ADGRF1: variants seen among roughly 807,000 people sequenced by gnomAD.
ADGRF1 encodes the protein adhesion G protein-coupled receptor F1, also known as G protein-coupled receptor 110.
Under a neutral mutation model 87.2 loss-of-function variants are expected in ADGRF1, and 85 were observed. The observed-to-expected ratio is 0.97, with a 90% CI of 0.82 to 1.17. The LOEUF (loss-of-function observed/expected upper bound fraction) is 1.17. ADGRF1 is among the 50% of genes most tolerant of loss of function. ADGRF1 has a pLI of 0.00. For missense variants in ADGRF1, 1,169 were observed against 1,077.2 expected (o/e 1.09, Z -1.19); for synonymous variants, 430 against 408.8 (o/e 1.05, Z -0.63).
In ADGRF1 at chr6:47,023,782, C is replaced by A. The variant is rs190508000; in HGVS notation, c.451+262G>T. Reference sequence around the variant, plus strand: ...GGAATTTTAGCAACTCTTCCTCAATCTCAATAAAATCATATGATTGCAGAG... The same window carrying A: ...GGAATTTTAGCAACTCTTCCTCAATATCAATAAAATCATATGATTGCAGAG... On this transcript the variant is annotated intron_variant, in intron 5 of 14. Coordinates refer to ENST00000371253, the MANE Select transcript of ADGRF1 (RefSeq NM_153840.4). Among the ~76,000 whole-genome samples the A allele has an allele frequency of 3.2e-4, 48 of 152,288 alleles. No homozygotes were observed. In the Middle Eastern group the frequency reaches 0.017, roughly 54 times the overall value.
At chr6:47,007,388 G>C (rs1779562891) in intron 11 of ADGRF1, 94 bp from the exon 12 acceptor site, 3 of 721,402 alleles carry the variant, frequency 4.2e-6, no homozygotes, top group Non-Finnish European at 7.1e-6. Flanking sequence ...ACCCCACATT[G>C]AAACTGTTTT....
At chr6:47,018,773 G>A (rs913125462) in intron 7 of ADGRF1, 2 of 294,582 alleles carry the variant, frequency 6.8e-6, no homozygotes, top group Admixed American at 4.7e-5. Context: ...TTTTAAAAGA[G>A]ATTTATTTTA....
intron 4 of ADGRF1, chr6:47,024,421 T>A (rs1173153937): frequency 2.2e-6 from 1 of 460,036 alleles, no homozygotes; most frequent in Non-Finnish European, 3.9e-6. Flanking sequence ...TTCAGGTGAA[T>A]CTTGTGCGTC....
At chr6:47,018,374 C>T (rs944271686) in intron 7 of ADGRF1, 7 of 1,258,056 alleles carry the variant, frequency 5.6e-6, no homozygotes, top group Middle Eastern at 2.9e-4. Context: ...TTATTAATTA[C>T]TAATTGATCG....
At position 46,998,761 on chromosome 6, in the gene ADGRF1, C is replaced by T. The variant is rs552873245; in HGVS notation, c.*1461G>A. ...AGAAGGCTCATAGAGCAGTTTTCTG[C>T]AAAGAAGTCTTTCTCATAAAATTCT... On this transcript the variant is annotated 3_prime_UTR_variant, in exon 15 of 15. Coordinates refer to ENST00000371253, the MANE Select transcript of ADGRF1 (RefSeq NM_153840.4). 1.3e-5 allele frequency: 2 copies of T among 152,336 alleles called. No individual in the cohort carries two copies. The highest frequency in any genetic ancestry group is 4.1e-4 in the South Asian group (2 of 4,826). The allele number at this position is 152,336 out of a possible 1,614,324, so 9.4% of individuals were successfully genotyped here.
chr6:47,020,689 C>G (rs577993093), intron 7 of ADGRF1, 42 bp downstream of exon 7: 1 of 1,605,432 alleles, frequency 6.2e-7, no homozygotes, highest in South Asian at 1.1e-5. Context: ...GAACTGGTGC[C>G]CAATTCTGGG....
At chr6:47,022,693 A>G (rs1158086755) in intron 5 of ADGRF1, among the ~76,000 whole-genome samples, 1 of 151,946 alleles carries the variant, frequency 6.6e-6, no homozygotes, top group Non-Finnish European at 1.5e-5. Flanking sequence ...TCTCCACGGT[A>G]CTGTGGGAAG....
intron 9 of ADGRF1, chr6:47,012,852 C>A: frequency 1.2e-6 from 1 of 824,384 alleles, no homozygotes. Context: ...TCACTGCAAC[C>A]TCTGCCTCCC....
At chr6:47,012,961 CAG>C in intron 9 of ADGRF1, 2 of 637,542 alleles carry the variant, frequency 3.1e-6, no homozygotes, top group Non-Finnish European at 3.9e-6. Flanking sequence ...TTAGTAGAAA[CAG>C]GGGTTTCACC....
chr6:47,018,561 G>T, intron 7 of ADGRF1: 1 of 1,289,240 alleles, frequency 7.8e-7, no homozygotes, highest in Non-Finnish European at 1.0e-6. Flanking sequence ...GTTAAACCAG[G>T]TTCCACAGGT....
intron 1 of ADGRF1, among the ~76,000 whole-genome samples, chr6:47,036,339 A>G (rs1253004014): frequency 4.6e-5 from 7 of 152,198 alleles, no homozygotes; most frequent in African/African-American, 1.7e-4. Flanking sequence ...AAACCTCAAC[A>G]TTACACAATA....
chr6:47,010,717 A>G (rs1051086998), intron 10 of ADGRF1, among the ~76,000 whole-genome samples: 2 of 152,340 alleles, frequency 1.3e-5, no homozygotes, highest in Admixed American at 6.5e-5. Context: ...GCTTTCCCAC[A>G]TTATGTTTGT....
chr6:47,031,701 G>A (rs1780437436), intron 1 of ADGRF1, among the ~76,000 whole-genome samples: 1 of 152,014 alleles, frequency 6.6e-6, no homozygotes, highest in Non-Finnish European at 1.5e-5. Context: ...TCTTGGACAG[G>A]TCAGGCCCAG....
chr6:47,035,397 CT>C (rs1780560624), intron 1 of ADGRF1, among the ~76,000 whole-genome samples: 2 of 152,172 alleles, frequency 1.3e-5, no homozygotes, highest in South Asian at 4.2e-4. Flanking sequence ...GAATTGTTTG[CT>C]TTTAAAAATA....
At chr6:47,040,269 G>T (rs2113915327) in intron 1 of ADGRF1, among the ~76,000 whole-genome samples, 1 of 152,150 alleles carries the variant, frequency 6.6e-6, no homozygotes, top group Non-Finnish European at 1.5e-5. Context: ...TCAGGAAATT[G>T]AGACCATCCT....
At chr6:47,021,184 G>A (rs1025068798) in intron 6 of ADGRF1, among the ~76,000 whole-genome samples, 13 of 152,054 alleles carry the variant, frequency 8.5e-5, no homozygotes, top group African/African-American at 3.1e-4. Flanking sequence ...GTATTTGCTC[G>A]GGTCTTCAGT....
intron 7 of ADGRF1, chr6:47,018,480 C>T (rs918866602): frequency 7.8e-7 from 1 of 1,289,564 alleles, no homozygotes; most frequent in South Asian, 1.2e-5. Flanking sequence ...GTCACAATAC[C>T]TTTGTATTGA....
intron 1 of ADGRF1, among the ~76,000 whole-genome samples, chr6:47,041,699 G>C (rs1286293256): frequency 2.6e-5 from 4 of 152,112 alleles, no homozygotes; most frequent in Non-Finnish European, 2.9e-5. Context: ...GTACTTCCTG[G>C]ATATATATGG....
chr6:47,018,433 G>C lies in ADGRF1; in HGVS notation c.612-1665C>G, dbSNP rs780618014. The C allele has an allele frequency of 5.4e-6, 7 of 1,289,400 alleles. No homozygotes were observed. The Admixed American group carries it at 1.1e-4, about 21-fold the overall frequency. The allele number at this position is 1,289,400 out of a possible 1,614,324, so 79.9% of individuals were successfully genotyped here. On this transcript the variant is annotated intron_variant, in intron 7 of 14. Transcript: ENST00000371253. ...ACTACATTGAACTTCTGCTCACAAT[G>C]TATAAATAAGTGCAGACACCCTTTT...
Sources: allele counts gnomAD v4.1 joint callset (sites outside exome capture counted in the v4.1 genomes callset), GRCh38; gene constraint gnomAD v4.1.1; transcripts MANE v1.5; gene names NCBI Gene and HGNC (gene_info 2026-07-23, HGNC 2026-07-21).